Variants in AKR1D1 observed in about 807,000 individuals in gnomAD.
AKR1D1 encodes the protein delta(4)-3-ketosteroid 5-beta-reductase.
In AKR1D1, 32 loss-of-function variants were observed where a neutral mutation model predicts 42.6. The observed-to-expected ratio is 0.75, with a 90% CI of 0.57 to 1.01. The LOEUF is 1.01. Among genes scored for constraint, AKR1D1 ranks in the 50% least tolerant of loss-of-function variants. The probability of loss-of-function intolerance (pLI) is 0.00; values close to 1 mark genes in which losing one functional copy is unlikely to be tolerated. For synonymous variants in AKR1D1, 123 were observed against 135.5 expected, an observed-to-expected ratio of 0.91 and a Z score of 0.64; for missense variants, 364 against 402.2, an observed-to-expected ratio of 0.91 and a Z score of 0.81.
intron 4 of AKR1D1, among the ~76,000 whole-genome samples, chr7:138,103,695 A>C (rs753790512): frequency 1.3e-5 from 2 of 152,204 alleles, no homozygotes; most frequent in Non-Finnish European, 2.9e-5. Context: ...ATATCATATA[A>C]CACAGACTTA....
intron 1 of AKR1D1, among the ~76,000 whole-genome samples, chr7:138,078,330 C>G (rs989722874): frequency 6.6e-6 from 1 of 152,114 alleles, no homozygotes; most frequent in African/African-American, 2.4e-5. Flanking sequence ...AAGAGCATCA[C>G]TAGATCTGTG....
chr7:138,097,296 A>C (rs1475249223), intron 3 of AKR1D1, among the ~76,000 whole-genome samples: 1 of 152,216 alleles, frequency 6.6e-6, no homozygotes, highest in Non-Finnish European at 1.5e-5. Context: ...CCCTGAGATG[A>C]AGAGAATGCA....
At chr7:138,115,052 A>C (rs1794609267) in intron 8 of AKR1D1, among the ~76,000 whole-genome samples, 1 of 152,212 alleles carries the variant, frequency 6.6e-6, no homozygotes, top group South Asian at 2.1e-4. Context: ...AGTAAACATA[A>C]ACACATAAAT....
chr7:138,094,712 G>T (rs1794151848), intron 3 of AKR1D1, among the ~76,000 whole-genome samples: 1 of 152,126 alleles, frequency 6.6e-6, no homozygotes, highest in South Asian at 2.1e-4. Flanking sequence ...TAGAGACAGG[G>T]TCTCGCTATG....
At position 138,088,740 on chromosome 7, in the gene AKR1D1, G is replaced by C. The variant is rs199535210; in HGVS notation, c.233G>C (p.Arg78Pro). 29 of 1,608,194 alleles carry C rather than the reference G, an allele frequency of 1.8e-5. No individual in the cohort carries two copies. Among genetic ancestry groups the C allele is most frequent in the Non-Finnish European group, 2.5e-5 (29 of 1,177,066 alleles). Reference sequence around the variant, plus strand: ...GAGAAGATAGCAGAAGGAAAGGTGCGGAGGGAAGATATCTTCTACTGTGGA... The same window carrying C: ...GAGAAGATAGCAGAAGGAAAGGTGCCGAGGGAAGATATCTTCTACTGTGGA... Reference protein sequence around the residue: ...IREKIAEGKVRREDIFYCGKL... With the variant: ...IREKIAEGKVPREDIFYCGKL... The change falls in exon 2 of 9, where the codon CGG becomes CCG. Residue 78 changes from arginine to proline, a missense_variant. Coordinates refer to ENST00000242375, the MANE Select transcript of AKR1D1 (RefSeq NM_005989.4).
At chr7:138,084,331 C>T (rs1311127347) in intron 1 of AKR1D1, among the ~76,000 whole-genome samples, 2 of 138,566 alleles carry the variant, frequency 1.4e-5, no homozygotes, top group Admixed American at 7.7e-5. Flanking sequence ...GGCATGATTA[C>T]GGCTCCCTGC....
Position 138,088,675 on chromosome 7 carries a change from C to T in AKR1D1, c.168C>T (p.Tyr56=), listed in dbSNP as rs139558179. 4.3e-6 allele frequency: 7 copies of T among 1,613,924 alleles called. No homozygotes were observed. The African/African-American group carries it at 9.3e-5, about 22-fold the overall frequency. ...DTGYRHIDGA[Y]IYQNEHEVGE... ...GGTACCGACATATTGATGGGGCCTA[C>T]ATCTACCAAAATGAACACGAAGTTG... Residue 56 remains tyrosine (Y), a synonymous_variant, in exon 2 of 9, where the codon TAC becomes TAT. Coordinates refer to ENST00000242375, the MANE Select transcript of AKR1D1 (RefSeq NM_005989.4).
chr7:138,092,573 T>C (rs997780084), intron 3 of AKR1D1, among the ~76,000 whole-genome samples: 24 of 152,218 alleles, frequency 1.6e-4, no homozygotes, highest in African/African-American at 5.8e-4. Context: ...ACTTTTGTAA[T>C]AACATGAATA....
chr7:138,107,350 T>C, intron 6 of AKR1D1, 65 bp from the exon 7 acceptor site: 1 of 1,536,960 alleles, frequency 6.5e-7, no homozygotes, highest in Non-Finnish European at 9.0e-7. Context: ...AGGAGGAGGA[T>C]GGTTTATTAA....
chr7:138,091,770 A>G lies in AKR1D1; in HGVS notation c.264A>G (p.Leu88=). 3 of 1,606,482 alleles carry G rather than the reference A, an allele frequency of 1.9e-6. No individual in the cohort carries two copies. The highest frequency in any genetic ancestry group is 1.7e-6 in the Non-Finnish European group (2 of 1,173,060). The change falls in exon 3 of 9, where the codon CTA becomes CTG. Residue 88 remains leucine, a splice_region_variant and synonymous_variant. Transcript: ENST00000242375. ...RREDIFYCGK[L]WATNHVPEMV... ...TTCTCCCTCTTTGATTCTTTCAGCT[A>G]TGGGCTACAAATCATGTCCCAGAGA...
In AKR1D1 at chr7:138,107,450, C is replaced by T. The variant is rs764349745; in HGVS notation, c.725C>T (p.Ala242Val). 2.7e-5 allele frequency: 43 copies of T among 1,613,942 alleles called. No homozygotes were observed. Among genetic ancestry groups the T allele is most frequent in the Non-Finnish European group, 5.1e-6 (6 of 1,179,980 alleles). The change falls in exon 7 of 9, where the codon GCA becomes GTA. Residue 242 changes from alanine to valine, a missense_variant. Ala to Val is a moderately conservative substitution (Grantham distance 64). Coordinates refer to ENST00000242375, the MANE Select transcript of AKR1D1 (RefSeq NM_005989.4). Reference sequence around the variant, plus strand: ...TCTTCTCCACCTTTGTTAAAGGATGCACTTCTAAACTCATTGGGGAAAAGG... The same window carrying T: ...TCTTCTCCACCTTTGTTAAAGGATGTACTTCTAAACTCATTGGGGAAAAGG... ...NVSSPPLLKD[A>V]LLNSLGKRYN...
intron 3 of AKR1D1, among the ~76,000 whole-genome samples, chr7:138,096,147 AG>A (rs1266384914): frequency 6.6e-6 from 1 of 152,038 alleles, no homozygotes; most frequent in African/African-American, 2.4e-5. Flanking sequence ...TCGAGGCTAC[AG>A]TGAGCCATAA....
chr7:138,086,354 T>A (rs1447825213), intron 1 of AKR1D1, among the ~76,000 whole-genome samples: 1 of 152,232 alleles, frequency 6.6e-6, no homozygotes, highest in Non-Finnish European at 1.5e-5. Flanking sequence ...TACAGGCTTT[T>A]TTCTGGCCTT....
intron 1 of AKR1D1, among the ~76,000 whole-genome samples, chr7:138,082,905 G>A (rs1803087279): frequency 6.6e-6 from 1 of 152,092 alleles, no homozygotes; most frequent in South Asian, 2.1e-4. Context: ...CTGCTCATCT[G>A]TCAGTGAACA....
At position 138,088,596 on chromosome 7, in the gene AKR1D1, T is replaced by C; in HGVS notation, c.94-5T>C. On this transcript the variant is annotated splice_region_variant and splice_polypyrimidine_tract_variant and intron_variant, in intron 1 of 8. Transcript: ENST00000242375. The stretch of plus-strand genomic sequence containing the variant: ...TCCCCAAACCCAACCTCTTTGTCAC[T>C]TCAGACCCCTAAGGGAGCCTGTGCA... 1.9e-6 allele frequency: 3 copies of C among 1,614,158 alleles called. No homozygotes were observed. The highest frequency in any genetic ancestry group is 1.3e-5 in the African/African-American group (1 of 75,054).
At position 138,103,763 on chromosome 7, in the gene AKR1D1, T is replaced by C. The variant is rs6962195; in HGVS notation, c.457-1544T>C. 4.5e-3 allele frequency among the ~76,000 whole-genome samples: 684 copies of C among 152,216 alleles called. 10 individuals are homozygous for C. The highest frequency in any genetic ancestry group is 0.016 in the African/African-American group (656 of 41,532). On this transcript the variant is annotated intron_variant, in intron 4 of 8. Transcript: ENST00000242375. ...TTGTGCGTGAAGATGAAAGATTGAA[T>C]TTACCAAAAAGATATACTAATTTTA... is the stretch of plus-strand genomic sequence containing the variant.
At chr7:138,110,284 A>G (rs1260941089) in intron 7 of AKR1D1, among the ~76,000 whole-genome samples, 3 of 152,210 alleles carry the variant, frequency 2.0e-5, no homozygotes, top group African/African-American at 7.2e-5. Context: ...AAGAAAAGCA[A>G]AAGAAAATAA....
intron 7 of AKR1D1, among the ~76,000 whole-genome samples, chr7:138,108,900 A>G (rs1794484021): frequency 6.6e-6 from 1 of 152,244 alleles, no homozygotes; most frequent in South Asian, 2.1e-4. Context: ...TCAAAACATC[A>G]TGTTGTATAT....
At chr7:138,105,225 A>G in intron 4 of AKR1D1, 82 bp from the exon 5 acceptor site, 2 of 1,596,270 alleles carry the variant, frequency 1.3e-6, no homozygotes, top group South Asian at 2.2e-5. Flanking sequence ...TCCTTTTTAA[A>G]GAATTCACAG....
Sources: allele counts gnomAD v4.1 joint callset (sites outside exome capture counted in the v4.1 genomes callset), GRCh38; gene constraint gnomAD v4.1.1; transcripts MANE v1.5; gene names NCBI Gene and HGNC (gene_info 2026-07-23, HGNC 2026-07-21).